The following ANKFN1 variants were observed in gnomAD, a reference collection of about 807,000 sequenced individuals.
ANKFN1 encodes the protein ankyrin repeat and fibronectin type III domain containing 1, also known as ankyrin repeat and fibronectin type-III domain-containing protein 1.
ANKFN1 carries 74 observed loss-of-function variants against 108.7 expected under a neutral mutation model. That is an observed-to-expected ratio of 0.68 (90% CI 0.56 to 0.83). The LOEUF (loss-of-function observed/expected upper bound fraction) is 0.83, where lower values mean the gene tolerates loss of function less well. ANKFN1 is among the 40% of genes least tolerant of loss of function. The probability of loss-of-function intolerance (pLI) is 0.00; values close to 1 mark genes in which losing one functional copy is unlikely to be tolerated. For missense variants in ANKFN1, 1,505 were observed against 1,382.3 expected (o/e 1.09, Z -1.41); for synonymous variants, 547 against 516.2 (o/e 1.06, Z -0.81).
intron 8 of ANKFN1, among the ~76,000 whole-genome samples, chr17:56,437,768 A>G (rs1408969116): frequency 1.3e-5 from 2 of 152,134 alleles, no homozygotes; most frequent in East Asian, 1.9e-4. Flanking sequence ...TAATACATAT[A>G]CATATATATA....
chr17:56,477,513 G>A lies in ANKFN1; in HGVS notation c.1799G>A (p.Ser600Asn). The A allele has an allele frequency of 1.3e-6, 2 of 1,599,214 alleles. No individual in the cohort carries two copies. The highest frequency in any genetic ancestry group is 2.2e-5 in the South Asian group (2 of 90,372). The stretch of plus-strand genomic sequence containing the variant: ...GATATTCTATCCTATCACAAAAGGA[G>A]TCATCAGCGTCTCTTTCCTGGATTA... ...IQDILSYHKR[S>N]HQRLFPGLYL... The change falls in exon 16 of 21, where the codon AGT (serine) becomes AAT (asparagine). Residue 600 changes from serine (S) to asparagine (N), a missense_variant. Transcript: ENST00000682825.
chr17:56,138,588 T>C (rs1214546490), intron 4 of ANKFN1, among the ~76,000 whole-genome samples: 2 of 151,380 alleles, frequency 1.3e-5, no homozygotes, highest in Non-Finnish European at 2.9e-5. Context: ...CGGCTCACTG[T>C]AACCTCTGCC....
intron 11 of ANKFN1, among the ~76,000 whole-genome samples, chr17:56,453,563 T>A (rs1244888982): frequency 6.6e-6 from 1 of 152,168 alleles, no homozygotes; most frequent in Non-Finnish European, 1.5e-5. Context: ...TTGCCCAGTG[T>A]ACAACTGTCA....
chr17:56,182,641 G>A (rs116510769), intron 1 of ANKFN1, among the ~76,000 whole-genome samples: 3,647 of 152,286 alleles, frequency 0.024, 137 homozygotes, highest in African/African-American at 0.083. Context: ...AAGTGCTGAT[G>A]GAGAAGCTGC....
At chr17:56,347,369 A>G (rs1445255748) in intron 4 of ANKFN1, among the ~76,000 whole-genome samples, 1 of 152,054 alleles carries the variant, frequency 6.6e-6, no homozygotes, top group African/African-American at 2.4e-5. Flanking sequence ...TTGTTGATTA[A>G]TCTTCACAAT....
At chr17:56,342,832 A>G (rs1271069601) in intron 4 of ANKFN1, among the ~76,000 whole-genome samples, 2 of 151,378 alleles carry the variant, frequency 1.3e-5, no homozygotes, top group African/African-American at 2.4e-5. Context: ...TGTTGAGTTC[A>G]GGTCATCTTT....
chr17:56,048,835 C>T (rs1402334810), intron 4 of ANKFN1, among the ~76,000 whole-genome samples: 1 of 152,328 alleles, frequency 6.6e-6, no homozygotes, highest in Non-Finnish European at 1.5e-5. Flanking sequence ...CTTCCCTCCC[C>T]TAACAGAGCC....
At position 56,197,562 on chromosome 17, in the gene ANKFN1, C is replaced by A. The variant is rs1913637267; in HGVS notation, c.-70-15036C>A. On this transcript the variant is annotated intron_variant, in intron 1 of 20. Coordinates refer to ENST00000682825, the MANE Select transcript of ANKFN1 (RefSeq NM_001370326.1). ...AGTTTCCATTTTCTTCTGCATTTTC[C>A]TCACTGCTAAACTTTAGTTAGGCTC... Among the ~76,000 whole-genome samples the A allele has an allele frequency of 2.6e-5, 4 of 152,178 alleles. No homozygotes were observed. The South Asian group carries it at 8.3e-4, about 32-fold the overall frequency.
intron 8 of ANKFN1, among the ~76,000 whole-genome samples, chr17:56,421,697 C>T (rs543100187): frequency 1.3e-4 from 20 of 152,292 alleles, no homozygotes; most frequent in African/African-American, 4.6e-4. Flanking sequence ...AGTCTGTAAT[C>T]GATTAAAATT....
intron 6 of ANKFN1, among the ~76,000 whole-genome samples, chr17:56,355,482 G>C (rs889856483): frequency 4.6e-5 from 7 of 152,180 alleles, no homozygotes; most frequent in Admixed American, 1.3e-4. Flanking sequence ...AATGATGATT[G>C]AGAGAGAAGT....
chr17:56,319,743 T>A (rs2045310639), intron 3 of ANKFN1, among the ~76,000 whole-genome samples: 1 of 152,166 alleles, frequency 6.6e-6, no homozygotes, highest in African/African-American at 2.4e-5. Context: ...TATTGATAGG[T>A]GAAATTTATG....
At chr17:56,284,161 G>C (rs2044157672) in intron 3 of ANKFN1, among the ~76,000 whole-genome samples, 1 of 152,162 alleles carries the variant, frequency 6.6e-6, no homozygotes, top group South Asian at 2.1e-4. Flanking sequence ...GTTCATGTAT[G>C]AGAGAAGAGA....
chr17:56,425,347 C>T (rs943684349), intron 8 of ANKFN1, among the ~76,000 whole-genome samples: 9 of 152,222 alleles, frequency 5.9e-5, no homozygotes, highest in African/African-American at 2.2e-4. Flanking sequence ...CCACATCTGA[C>T]ATATATCATT....
At chr17:56,482,322 C>G in intron 17 of ANKFN1, 34 bp from the exon 18 acceptor site, 1 of 1,535,978 alleles carries the variant, frequency 6.5e-7, no homozygotes, top group East Asian at 2.3e-5. Context: ...TGTTGTAACT[C>G]TCCTATTTTT....
At chr17:56,491,723 CT>C (rs2051045856) in intron 18 of ANKFN1, among the ~76,000 whole-genome samples, 1 of 152,164 alleles carries the variant, frequency 6.6e-6, no homozygotes, top group Non-Finnish European at 1.5e-5. Context: ...AAAAGCATGT[CT>C]TCTGTCTTCT....
In ANKFN1 at chr17:56,477,538, A is replaced by G. The variant is rs779059114; in HGVS notation, c.1824A>G (p.Leu608=). ...GTCATCAGCGTCTCTTTCCTGGATT[A>G]TATCTGGGTTACCTAAAGCTCTGTA... The part of the protein sequence containing the change: ...KRSHQRLFPG[L]YLGYLKLCSS... Residue 608 remains leucine (L), a synonymous_variant, in exon 16 of 21, where the codon TTA becomes TTG. Coordinates refer to ENST00000682825, the MANE Select transcript of ANKFN1 (RefSeq NM_001370326.1). 3.7e-6 allele frequency: 6 copies of G among 1,610,250 alleles called. No homozygotes were observed.
intron 8 of ANKFN1, among the ~76,000 whole-genome samples, chr17:56,388,636 C>T (rs2047342796): frequency 6.6e-6 from 1 of 151,988 alleles, no homozygotes; most frequent in Non-Finnish European, 1.5e-5. Flanking sequence ...ATTTCCTTTT[C>T]CATGTATTTT....
intron 19 of ANKFN1, among the ~76,000 whole-genome samples, chr17:56,495,334 TCTCA>T (rs990233879): frequency 9.2e-5 from 14 of 151,534 alleles, no homozygotes; most frequent in African/African-American, 2.4e-4. Flanking sequence ...TCTCTCTCTC[TCTCA>T]CTCACTCACT....
intron 4 of ANKFN1, among the ~76,000 whole-genome samples, chr17:56,085,010 A>G (rs1020020249): frequency 6.6e-6 from 1 of 151,016 alleles, no homozygotes; most frequent in Non-Finnish European, 1.5e-5. Flanking sequence ...TGATTTTGGT[A>G]GATCACGTCT....
Sources: allele counts gnomAD v4.1 joint callset (sites outside exome capture counted in the v4.1 genomes callset), GRCh38; gene constraint gnomAD v4.1.1; transcripts MANE v1.5; gene names NCBI Gene and HGNC (gene_info 2026-07-23, HGNC 2026-07-21).